PRKACB: variants seen among roughly 807,000 people sequenced by gnomAD.
PRKACB encodes protein kinase cAMP-activated catalytic subunit beta.
A neutral mutation model predicts 51.4 loss-of-function variants in PRKACB; 16 were observed. The ratio of observed to expected loss-of-function variants is 0.31; its 90% confidence interval spans 0.21 to 0.47. The LOEUF (loss-of-function observed/expected upper bound fraction) is 0.47. Ranked by LOEUF, PRKACB falls within the 20% of genes least tolerant of loss-of-function variation. The pLI is 1.00. For missense variants in PRKACB, 309 were observed against 464.5 expected (o/e 0.67, Z 3.08); for synonymous variants, 147 against 154.4 (o/e 0.95, Z 0.35).
intron 1 of PRKACB, among the ~76,000 whole-genome samples, chr1:84,177,343 C>G (rs1661644198): frequency 6.6e-6 from 1 of 151,720 alleles, no homozygotes; most frequent in Non-Finnish European, 1.5e-5. Flanking sequence ...CTGCTCCATG[C>G]AAAAAAAGAA....
intron 1 of PRKACB, among the ~76,000 whole-genome samples, chr1:84,167,640 G>A (rs907800212): frequency 5.9e-5 from 9 of 151,466 alleles, no homozygotes; most frequent in Non-Finnish European, 5.9e-5. Context: ...TATGTTTCTA[G>A]TAGTCACCCC....
chr1:84,143,773 T>G (rs917821366), upstream of PRKACB, among the ~76,000 whole-genome samples: 1 of 152,274 alleles, frequency 6.6e-6, no homozygotes, highest in African/African-American at 2.4e-5. Flanking sequence ...ATTAGAAACA[T>G]TCAATTTTTT....
At chr1:84,208,260 T>C (rs1671632504) in intron 8 of PRKACB, among the ~76,000 whole-genome samples, 1 of 152,228 alleles carries the variant, frequency 6.6e-6, no homozygotes, top group African/African-American at 2.4e-5. Context: ...TAGAAGATAA[T>C]AGTTATTTCT....
intron 1 of PRKACB, among the ~76,000 whole-genome samples, chr1:84,120,148 C>T (rs918962670): frequency 6.6e-6 from 1 of 152,116 alleles, no homozygotes; most frequent in East Asian, 1.9e-4. Flanking sequence ...ACAGGTACTC[C>T]CCATACTTGA....
chr1:84,193,286 T>C (rs1163364783), intron 5 of PRKACB, among the ~76,000 whole-genome samples: 1 of 152,076 alleles, frequency 6.6e-6, no homozygotes, highest in East Asian at 1.9e-4. Flanking sequence ...CTGAAAGGGC[T>C]CCAATGGGGG....
In PRKACB at chr1:84,110,517, A is replaced by G. The variant is rs567805196; in HGVS notation, c.46+32146A>G. Among the ~76,000 whole-genome samples, 15 of 152,002 alleles carry G rather than the reference A, an allele frequency of 9.9e-5. No homozygotes were observed. The East Asian group carries it at 2.9e-3, about 29-fold the overall frequency. ...TTCAAAACCAAACTTTTTAATTAGT[A>G]GGGTAACACACTGCTTCCATTTTCT... is the stretch of plus-strand genomic sequence containing the variant. On this transcript the variant is annotated intron_variant, in intron 1 of 8. Coordinates refer to the PRKACB transcript ENST00000370688.
At chr1:84,224,448 G>A (rs1477343702) in intron 9 of PRKACB, among the ~76,000 whole-genome samples, 2 of 152,206 alleles carry the variant, frequency 1.3e-5, no homozygotes, top group African/African-American at 4.8e-5. Flanking sequence ...TGCTGCTAGT[G>A]ATGGTAGCAA....
intron 5 of PRKACB, among the ~76,000 whole-genome samples, chr1:84,192,314 A>G (rs1256620724): frequency 2.0e-5 from 3 of 152,140 alleles, no homozygotes; most frequent in Non-Finnish European, 4.4e-5. Flanking sequence ...GGAGACCCAA[A>G]TGATAGGAGT....
intron 8 of PRKACB, among the ~76,000 whole-genome samples, chr1:84,213,055 G>T (rs1672364087): frequency 6.6e-6 from 1 of 152,158 alleles, no homozygotes; most frequent in Admixed American, 6.5e-5. Context: ...AACAAAATAA[G>T]AATGCAGAGA....
chr1:84,234,075 T>C (rs1382669515), intron 9 of PRKACB, among the ~76,000 whole-genome samples: 8 of 128,734 alleles, frequency 6.2e-5, no homozygotes, highest in South Asian at 2.6e-4. Flanking sequence ...ATGATGGTGA[T>C]GTACAGATGG....
At chr1:84,183,572 T>C (rs1664214851) in intron 3 of PRKACB, among the ~76,000 whole-genome samples, 1 of 151,874 alleles carries the variant, frequency 6.6e-6, no homozygotes, top group Non-Finnish European at 1.5e-5. Flanking sequence ...TTCTGAAGTA[T>C]TTAAAATCAC....
chr1:84,227,013 C>T (rs1347806966), intron 9 of PRKACB, among the ~76,000 whole-genome samples: 1 of 151,584 alleles, frequency 6.6e-6, no homozygotes, highest in Non-Finnish European at 1.5e-5. Flanking sequence ...GGAATGAATA[C>T]CATTAATCAT....
intron 8 of PRKACB, among the ~76,000 whole-genome samples, chr1:84,203,250 T>C (rs1246989092): frequency 1.3e-5 from 2 of 152,130 alleles, no homozygotes; most frequent in South Asian, 2.1e-4. Flanking sequence ...ATAAGCCTTT[T>C]TCAGATGGAA....
chr1:84,104,955 A>G (rs934555449), intron 1 of PRKACB, among the ~76,000 whole-genome samples: 5 of 152,182 alleles, frequency 3.3e-5, no homozygotes, highest in African/African-American at 4.8e-5. Context: ...GAGTAATTAT[A>G]TAATTGGAGA....
chr1:84,173,437 A>G (rs562770936), intron 1 of PRKACB: 3 of 1,192,238 alleles, frequency 2.5e-6, no homozygotes, highest in African/African-American at 3.1e-5. Flanking sequence ...TGTGGCAATT[A>G]GAATATTTTG....
rs186618498 is a variant in PRKACB, at chr1:84,234,226, A to G, written c.1072-954A>G. On this transcript the variant is annotated intron_variant, in intron 9 of 9. Transcript: ENST00000370685. ...GGGGTGCCTCCCAGTTAGGCTGCTC[A>G]GGGGTCAGGGGTCAGGGACCCACTT... is the stretch of plus-strand genomic sequence containing the variant. Among the ~76,000 whole-genome samples, 890 of 152,234 alleles carry G rather than the reference A, an allele frequency of 5.8e-3. 6 individuals are homozygous for G. The highest frequency in any genetic ancestry group is 0.02 in the African/African-American group (847 of 41,508).
At chr1:84,083,411 TCTC>T (rs1647706997) in intron 1 of PRKACB, among the ~76,000 whole-genome samples, 1 of 152,160 alleles carries the variant, frequency 6.6e-6, no homozygotes, top group Non-Finnish European at 1.5e-5. Context: ...CTCCTCTTAT[TCTC>T]CTCAGTGTCC....
chr1:84,086,212 C>T lies in PRKACB; in HGVS notation c.46+7841C>T, dbSNP rs1647973835. 1.9e-6 allele frequency: 3 copies of T among 1,595,018 alleles called. No homozygotes were observed. The African/African-American group carries it at 4.0e-5, about 21-fold the overall frequency. ...AAGATGAGGATCAGCTGGAGGCCTTCCTGAAGAAGCTGATTGGCTGACAAG... is the reference window on the plus strand; with the variant it reads ...AAGATGAGGATCAGCTGGAGGCCTTTCTGAAGAAGCTGATTGGCTGACAAG... On this transcript the variant is annotated intron_variant, in intron 1 of 8. Coordinates refer to the PRKACB transcript ENST00000370688.
At chr1:84,182,384 A>G in intron 3 of PRKACB, 56 bp downstream of exon 3, 1 of 1,334,912 alleles carries the variant, frequency 7.5e-7, no homozygotes, top group Non-Finnish European at 9.9e-7. Flanking sequence ...TATCAGCTAG[A>G]CTATTAAACA....
Sources: gnomAD v4.1 joint callset for allele counts (sites outside exome capture counted in the v4.1 genomes callset) on GRCh38, gnomAD v4.1.1 for gene constraint, MANE v1.5 for transcripts, NCBI Gene and HGNC (gene_info 2026-07-23, HGNC 2026-07-21) for gene names.